The following THSD7B variants were observed in gnomAD, a reference collection of about 807,000 sequenced individuals.
The protein encoded by THSD7B is thrombospondin type-1 domain-containing protein 7B.
In THSD7B, 138 loss-of-function variants were observed where a neutral mutation model predicts 213.6. The observed-to-expected ratio is 0.65, with a 90% confidence interval of 0.56 to 0.74. THSD7B has a LOEUF of 0.74. Ranked by LOEUF, THSD7B falls within the 30% of genes least tolerant of loss-of-function variation. The pLI is 0.00. For missense variants in THSD7B, 1,931 were observed against 1,991.5 expected, an observed-to-expected ratio of 0.97 and a Z score of 0.58; for synonymous variants, 742 against 687.0, an observed-to-expected ratio of 1.08 and a Z score of -1.25.
intron 1 of THSD7B, among the ~76,000 whole-genome samples, chr2:136,853,270 T>C (rs1683128980): frequency 6.6e-6 from 1 of 152,158 alleles, no homozygotes; most frequent in Admixed American, 6.5e-5. Context: ...GAATCCAGGA[T>C]CTTGTGTTTC....
rs571687058 is a variant in THSD7B at position 137,191,644 on chromosome 2, G to T, written c.1723+20706G>T. ...GCATACCCTAGACCATGGCCCCATG[G>T]CTGCCCACCGTCCTGCACTCAGTCA... is the stretch of plus-strand genomic sequence containing the variant. On this transcript the variant is annotated intron_variant, in intron 7 of 27. Coordinates refer to ENST00000409968, the MANE Select transcript of THSD7B (RefSeq NM_001316349.2). 3.3e-5 allele frequency among the ~76,000 whole-genome samples: 5 copies of T among 152,024 alleles called. No individual in the cohort carries two copies. In the South Asian group the frequency reaches 1.0e-3, roughly 32 times the overall value.
intron 14 of THSD7B, among the ~76,000 whole-genome samples, chr2:137,412,211 T>C (rs767254203): frequency 2.0e-5 from 3 of 152,048 alleles, no homozygotes; most frequent in Non-Finnish European, 4.4e-5. Flanking sequence ...TGTTTTTTCA[T>C]GCTCTGACCA....
chr2:137,677,480 T>G lies in THSD7B; in HGVS notation c.*875T>G, dbSNP rs1683729666. ...AATTTCAATTTTCTTATCTGAATAT[T>G]TATAAATTCTTCTTTCAAATTTAAT... On this transcript the variant is annotated 3_prime_UTR_variant, in exon 28 of 28. Transcript: ENST00000409968. 6.6e-6 allele frequency: 1 copy of G among 152,604 alleles called. No individual in the cohort carries two copies. The highest frequency in any genetic ancestry group is 2.4e-5 in the African/African-American group (1 of 41,454). 9.5% of individuals were successfully genotyped at this position (152,604 alleles called of 1,614,324 possible). A position where few individuals can be genotyped will look rare whatever the true frequency, so the allele number is the denominator to read the frequency against.
chr2:137,596,314 C>G (rs369660768), intron 17 of THSD7B, among the ~76,000 whole-genome samples: 5 of 152,106 alleles, frequency 3.3e-5, no homozygotes, highest in East Asian at 3.9e-4. Flanking sequence ...ACTTGAATGT[C>G]AGATTAAGGA....
At chr2:136,913,014 A>G (rs1208890140) in intron 2 of THSD7B, among the ~76,000 whole-genome samples, 1 of 152,202 alleles carries the variant, frequency 6.6e-6, no homozygotes, top group African/African-American at 2.4e-5. Flanking sequence ...AAGATAGGAA[A>G]ATGTAGGAAA....
chr2:137,589,867 CA>C (rs1011767712), intron 17 of THSD7B, among the ~76,000 whole-genome samples: 4 of 152,054 alleles, frequency 2.6e-5, no homozygotes, highest in African/African-American at 9.7e-5. Context: ...AAGTGCTTCA[CA>C]ATTATTATGA....
chr2:136,968,169 C>A (rs886927379), intron 2 of THSD7B, among the ~76,000 whole-genome samples: 1 of 152,098 alleles, frequency 6.6e-6, no homozygotes, highest in Admixed American at 6.6e-5. Context: ...CTTCAATCTG[C>A]TACGAATGAC....
chr2:136,855,737 G>A lies in THSD7B; in HGVS notation c.-35-26407G>A, dbSNP rs182910595. On this transcript the variant is annotated intron_variant, in intron 1 of 27. Coordinates refer to ENST00000409968, the MANE Select transcript of THSD7B (RefSeq NM_001316349.2). ...TCTGCCCGCCTGGGCCTCCCAAAGT[G>A]CTGGGATTACAGGCGTGAGCCATCA... Among the ~76,000 whole-genome samples, 566 of 152,126 alleles carry A rather than the reference G, an allele frequency of 3.7e-3. 3 individuals are homozygous for A. Among genetic ancestry groups the A allele is most frequent in the African/African-American group, 0.013 (542 of 41,494 alleles).
chr2:137,085,429 TTTA>T (rs1367043397), intron 3 of THSD7B, among the ~76,000 whole-genome samples: 3 of 152,212 alleles, frequency 2.0e-5, no homozygotes, highest in East Asian at 1.9e-4. Flanking sequence ...ATAAAAATAT[TTTA>T]TTATTGTCAA....
At chr2:137,426,693 A>G (rs1333953282) in intron 14 of THSD7B, among the ~76,000 whole-genome samples, 2 of 152,214 alleles carry the variant, frequency 1.3e-5, no homozygotes, top group Non-Finnish European at 2.9e-5. Context: ...TTGAAGCAAT[A>G]AAACTACTCA....
At chr2:137,567,714 G>A (rs912957673) in intron 16 of THSD7B, among the ~76,000 whole-genome samples, 2 of 152,140 alleles carry the variant, frequency 1.3e-5, no homozygotes, top group Non-Finnish European at 2.9e-5. Flanking sequence ...GCAACGTTAG[G>A]AATAATGGCA....
intron 3 of THSD7B, among the ~76,000 whole-genome samples, chr2:137,077,847 A>G (rs1284896894): frequency 6.6e-6 from 1 of 151,992 alleles, no homozygotes; most frequent in African/African-American, 2.4e-5. Flanking sequence ...CCATTTGTCA[A>G]TGTTGGCTTT....
At chr2:137,387,762 T>C (rs1685928300) in intron 12 of THSD7B, among the ~76,000 whole-genome samples, 1 of 152,130 alleles carries the variant, frequency 6.6e-6, no homozygotes, top group Non-Finnish European at 1.5e-5. Context: ...GACAGATAAA[T>C]TTTCTGTAAT....
At chr2:137,660,963 C>T (rs1283375962) in intron 25 of THSD7B, among the ~76,000 whole-genome samples, 1 of 152,010 alleles carries the variant, frequency 6.6e-6, no homozygotes, top group Non-Finnish European at 1.5e-5. Context: ...ATCTGTTTCT[C>T]CTCAAAATCA....
chr2:137,456,227 C>A lies in THSD7B; in HGVS notation c.3138+5204C>A, dbSNP rs1453298. On this transcript the variant is annotated intron_variant, in intron 15 of 27. Coordinates refer to ENST00000409968, the MANE Select transcript of THSD7B (RefSeq NM_001316349.2). Reference sequence around the variant, plus strand: ...AATAATGTAATAAATTTTATTTTTCCTAGCAGGGTAATGATGTTTTTAATA... The same window carrying A: ...AATAATGTAATAAATTTTATTTTTCATAGCAGGGTAATGATGTTTTTAATA... Among the ~76,000 whole-genome samples the A allele has an allele frequency of 1.3e-3, 201 of 152,278 alleles. 2 individuals carry two copies. The highest frequency in any genetic ancestry group is 3.5e-3 in the Admixed American group (54 of 15,286).
chr2:137,146,950 T>C (rs538909281), intron 5 of THSD7B, among the ~76,000 whole-genome samples: 25 of 152,206 alleles, frequency 1.6e-4, no homozygotes, highest in African/African-American at 5.8e-4. Context: ...TAAATGAGAG[T>C]GTTTTGTCAA....
intron 21 of THSD7B, 41 bp from the exon 22 acceptor site, chr2:137,655,460 A>C: frequency 6.4e-7 from 1 of 1,573,014 alleles, no homozygotes; most frequent in Non-Finnish European, 8.7e-7. Context: ...TTGAGATGTG[A>C]ATTATTTGGG....
At chr2:137,057,295 C>T (rs1687189005) in intron 3 of THSD7B, 65 bp downstream of exon 3, 1 of 1,372,756 alleles carries the variant, frequency 7.3e-7, no homozygotes, top group Admixed American at 2.8e-5. Flanking sequence ...CTTTATAAAG[C>T]TTCTTTATGA....
At chr2:137,405,538 T>C in intron 12 of THSD7B, 75 bp from the exon 13 acceptor site, 1 of 1,412,270 alleles carries the variant, frequency 7.1e-7, no homozygotes, top group Non-Finnish European at 9.5e-7. Context: ...TGGGGGATTC[T>C]GCTGTCTTGT....
Sources: gnomAD v4.1 joint callset for allele counts (sites outside exome capture counted in the v4.1 genomes callset) on GRCh38, gnomAD v4.1.1 for gene constraint, MANE v1.5 for transcripts, NCBI Gene and HGNC (gene_info 2026-07-23, HGNC 2026-07-21) for gene names.